The following BCAS3 variants were observed in gnomAD, a reference collection of about 807,000 sequenced individuals.
BCAS3 encodes the protein BCAS4/BCAS3 fusion.
BCAS3 carries 53 observed loss-of-function variants against 116.1 expected under a neutral mutation model. The observed-to-expected ratio is 0.46, with a 90% CI of 0.37 to 0.57. BCAS3 has a LOEUF of 0.57. BCAS3 is among the 20% of genes least tolerant of loss of function. BCAS3 has a pLI of 0.00. For missense variants in BCAS3, 917 were observed against 1,165.4 expected (o/e 0.79, Z 3.10); for synonymous variants, 391 against 408.2 (o/e 0.96, Z 0.51).
At position 61,097,587 on chromosome 17, in the gene BCAS3, A is replaced by C. The variant is rs1023746676; in HGVS notation, c.2425+13023A>C. ...GGCAGTGTGAGATCCCCATGTCTGA[A>C]TAATCAAGAGGCTCTATGAGGAATC... On this transcript the variant is annotated intron_variant, in intron 22 of 23. Coordinates refer to ENST00000407086, the MANE Select transcript of BCAS3 (RefSeq NM_017679.5). The surrounding 1 kb of genome is among the most constrained non-coding windows in gnomAD (Gnocchi z 4.0). 1.4e-4 allele frequency among the ~76,000 whole-genome samples: 21 copies of C among 152,192 alleles called. No homozygotes were observed. Among genetic ancestry groups the C allele is most frequent in the African/African-American group, 4.8e-4 (20 of 41,444 alleles).
At chr17:61,092,542 A>G (rs915506221) in intron 22 of BCAS3, among the ~76,000 whole-genome samples, 1 of 152,174 alleles carries the variant, frequency 6.6e-6, no homozygotes, top group Non-Finnish European at 1.5e-5. Context: ...ACTTGATATT[A>G]TTGATCTTTA....
intron 7 of BCAS3, among the ~76,000 whole-genome samples, chr17:60,843,833 C>T (rs2052224389): frequency 6.6e-6 from 1 of 152,140 alleles, no homozygotes; most frequent in Non-Finnish European, 1.5e-5. Context: ...TAATCTCTAA[C>T]ATTTGATTTA....
At chr17:60,855,442 C>T (rs1245673069) in intron 7 of BCAS3, among the ~76,000 whole-genome samples, 1 of 147,844 alleles carries the variant, frequency 6.8e-6, no homozygotes, top group Non-Finnish European at 1.5e-5. Context: ...TTTGTTGTCA[C>T]TATTTTTAAA....
intron 22 of BCAS3, among the ~76,000 whole-genome samples, chr17:61,110,398 A>G (rs1473137883): frequency 6.6e-6 from 1 of 152,264 alleles, no homozygotes; most frequent in Non-Finnish European, 1.5e-5. Flanking sequence ...ACCGTGCGCA[A>G]GCCGAAGCAG....
intron 6 of BCAS3, among the ~76,000 whole-genome samples, chr17:60,794,813 A>T (rs934399050): frequency 6.6e-6 from 1 of 152,208 alleles, no homozygotes; most frequent in East Asian, 1.9e-4. Context: ...TGGCCTTAGA[A>T]TATGGTTTGA....
At chr17:60,769,411 G>A (rs920681420) in intron 6 of BCAS3, among the ~76,000 whole-genome samples, 11 of 152,292 alleles carry the variant, frequency 7.2e-5, no homozygotes, top group Non-Finnish European at 1.3e-4. Flanking sequence ...CTGCAGTAGC[G>A]GAGGTGGGCT....
intron 14 of BCAS3, among the ~76,000 whole-genome samples, chr17:60,952,238 A>AT (rs938452083): frequency 2.6e-5 from 4 of 151,756 alleles, no homozygotes; most frequent in African/African-American, 9.7e-5. Context: ...GGGTTTGCAC[A>AT]TTTTTCTTTA....
rs191396230 is a variant in BCAS3, at chr17:60,947,079, T to C, written c.1088-140T>C. 1.0e-5 allele frequency: 8 copies of C among 792,970 alleles called. No individual in the cohort carries two copies. In the East Asian group the frequency reaches 2.1e-4, roughly 21 times the overall value. The allele number at this position is 792,970 out of a possible 1,614,324, so 49.1% of individuals were successfully genotyped here. On this transcript the variant is annotated intron_variant, in intron 13 of 23. Transcript: ENST00000407086. ...TTCACATGAAAAAGATATTTTATTT[T>C]TTTCTTTTGTAAAGTTTCTTATAGC...
chr17:61,039,185 G>T (rs2067304198), intron 18 of BCAS3, among the ~76,000 whole-genome samples: 1 of 152,124 alleles, frequency 6.6e-6, no homozygotes, highest in Non-Finnish European at 1.5e-5. Context: ...TTTCATGTAA[G>T]TGGAATCATA....
chr17:61,102,587 T>C (rs1049986366), intron 22 of BCAS3, among the ~76,000 whole-genome samples: 3 of 152,172 alleles, frequency 2.0e-5, no homozygotes, highest in African/African-American at 7.2e-5. Flanking sequence ...CATGAACATG[T>C]TTTACATAGC....
chr17:60,770,840 T>G lies in BCAS3; in HGVS notation c.403+23561T>G, dbSNP rs1234550556. Among the ~76,000 whole-genome samples, 222 of 68,776 alleles carry G rather than the reference T, an allele frequency of 3.2e-3. 5 individuals are homozygous for G. The highest frequency in any genetic ancestry group is 0.021 in the South Asian group (58 of 2,712). 45.1% of individuals were successfully genotyped at this position (68,776 alleles called of 152,430 possible). ...GAACCTAAAACTGAAATTTGTTTTTTTTTTTTTTTTTTTTTTTTTTTTTTT... is the reference window on the plus strand; with the variant it reads ...GAACCTAAAACTGAAATTTGTTTTTGTTTTTTTTTTTTTTTTTTTTTTTTT... On this transcript the variant is annotated intron_variant, in intron 6 of 23. Transcript: ENST00000407086.
Position 61,023,906 on chromosome 17 carries a change from G to A in BCAS3, c.1637+8005G>A, listed in dbSNP as rs555740962. On this transcript the variant is annotated intron_variant, in intron 16 of 23. Coordinates refer to ENST00000407086, the MANE Select transcript of BCAS3 (RefSeq NM_017679.5). The surrounding 1 kb of genome is among the most constrained non-coding windows in gnomAD (Gnocchi z 4.8). ...TTTATATGGCATATTTGTTAAGCCT[G>A]CTAAAATTTAATGGTGATTGGAAAA... is the stretch of plus-strand genomic sequence containing the variant. 1.3e-4 allele frequency among the ~76,000 whole-genome samples: 20 copies of A among 152,214 alleles called. No individual in the cohort carries two copies. The highest frequency in any genetic ancestry group is 4.3e-4 in the African/African-American group (18 of 41,522).
At chr17:60,731,543 T>G (rs1436537228) in intron 5 of BCAS3, among the ~76,000 whole-genome samples, 1 of 152,132 alleles carries the variant, frequency 6.6e-6, no homozygotes, top group Non-Finnish European at 1.5e-5. Flanking sequence ...GTGTTTTTGT[T>G]GCTTTAGGAA....
intron 4 of BCAS3, among the ~76,000 whole-genome samples, chr17:60,707,463 C>T (rs1297514758): frequency 6.6e-6 from 1 of 152,180 alleles, no homozygotes; most frequent in African/African-American, 2.4e-5. Context: ...CACCCCTACC[C>T]TCCACATTGT....
intron 23 of BCAS3, among the ~76,000 whole-genome samples, chr17:61,373,236 C>T: frequency 6.6e-6 from 1 of 151,530 alleles, no homozygotes; most frequent in East Asian, 1.9e-4. Context: ...ACTCAGATAC[C>T]CACCACCATG....
chr17:60,977,116 C>T lies in BCAS3; in HGVS notation c.1222-12855C>T, dbSNP rs540310172. Among the ~76,000 whole-genome samples the T allele has an allele frequency of 1.3e-4, 20 of 152,152 alleles. No homozygotes were observed. In the East Asian group the frequency reaches 2.5e-3, roughly 19 times the overall value. ...GGCTGGCCGGGCGGGGGCTGCCCCC[C>T]ACCTCCCGGACAGGGCGGCTGGCCA... On this transcript the variant is annotated intron_variant, in intron 14 of 23. Transcript: ENST00000407086.
rs1237630527 is a variant in BCAS3 at position 61,021,329 on chromosome 17, G to A, written c.1637+5428G>A. Among the ~76,000 whole-genome samples the A allele has an allele frequency of 6.6e-6, 1 of 152,074 alleles. No individual in the cohort carries two copies. The highest frequency in any genetic ancestry group is 2.4e-5 in the African/African-American group (1 of 41,410). ...ACTGCCTTAGCCTCCCAAAGTGCTG[G>A]GATTATAGGCATGAGCAACCGCACC... On this transcript the variant is annotated intron_variant, in intron 16 of 23. Coordinates refer to ENST00000407086, the MANE Select transcript of BCAS3 (RefSeq NM_017679.5). The surrounding 1 kb of genome is among the most constrained non-coding windows in gnomAD (Gnocchi z 4.6).
At chr17:60,934,842 C>T (rs753499656) in intron 13 of BCAS3, among the ~76,000 whole-genome samples, 17 of 152,102 alleles carry the variant, frequency 1.1e-4, no homozygotes, top group African/African-American at 2.4e-4. Context: ...GGTGCAGGAA[C>T]GGAGAAGCAA....
intron 22 of BCAS3, among the ~76,000 whole-genome samples, chr17:61,184,316 T>C (rs1366068353): frequency 6.6e-6 from 1 of 150,432 alleles, no homozygotes; most frequent in Non-Finnish European, 1.5e-5. Context: ...ACTCAAAAAG[T>C]GGGCATTTGG....
Sources: allele counts gnomAD v4.1 joint callset (sites outside exome capture counted in the v4.1 genomes callset), GRCh38; gene constraint gnomAD v4.1.1; non-coding constraint Gnocchi (gnomAD v3.1); transcripts MANE v1.5; gene names NCBI Gene and HGNC (gene_info 2026-07-23, HGNC 2026-07-21).